GBP4: variants seen among roughly 807,000 people sequenced by gnomAD.
GBP4 encodes guanylate-binding protein 4.
Under a neutral mutation model 62.2 loss-of-function variants are expected in GBP4, and 69 were observed. The ratio of observed to expected loss-of-function variants is 1.11; its 90% confidence interval spans 0.91 to 1.36. The LOEUF is 1.36. Among genes scored for constraint, GBP4 ranks in the 40% most tolerant of loss-of-function variants. GBP4 has a pLI of 0.00. For synonymous variants in GBP4, 278 were observed against 274.6 expected (o/e 1.01, Z -0.12); for missense variants, 697 against 759.3 (o/e 0.92, Z 0.96).
Position 89,191,439 on chromosome 1 carries a change from C to T in GBP4, c.738G>A (p.Arg246=), listed in dbSNP as rs375364072. Residue 246 remains arginine, a synonymous_variant, in exon 6 of 11, where the codon CGG becomes CGA. Transcript: ENST00000355754. ...RECIRHFFRK[R]KCFVFDRPTN... ...TAGGCCGGTCAAAGACAAAGCACTT[C>T]CGTTTTCGGAAGAAATGCCTGATAC... 6.2e-7 allele frequency: 1 copy of T among 1,614,180 alleles called. No homozygotes were observed.
rs1557474824 is a variant in GBP4, at chr1:89,191,289, CAG to C, written c.886_887del (p.Leu296GlufsTer41). 1.9e-6 allele frequency: 3 copies of C among 1,613,712 alleles called. No individual in the cohort carries two copies. The South Asian group carries it at 3.3e-5, about 18-fold the overall frequency. On this transcript the variant is annotated frameshift_variant, in exon 6 of 11. Coordinates refer to ENST00000355754, the MANE Select transcript of GBP4 (RefSeq NM_052941.5). LOFTEE classifies it high-confidence loss of function. ...YIFTHAKTKTLREGIIVTGKR... is the reference protein window; with the variant it reads ...YIFTHAKTKTXREGIIVTGKR... ...TTCCAGTGACAATGATTCCCTCTCT[CAG>C]GGTCTTGGTCTTTGCATGGGTGAAG... is the stretch of plus-strand genomic sequence containing the variant.
rs1648228558 is a variant in GBP4 at position 89,192,959 on chromosome 1, A to G, written c.615T>C (p.Asp205=). ...ACTCATCTTCTGTGATGGGGTTTCC[A>G]TCTAACTTTAGCTCCAGGGTAAAAT... is the stretch of plus-strand genomic sequence containing the variant. The part of the protein sequence containing the change: ...VRDFTLELKL[D]GNPITEDEYL... Residue 205 remains aspartate, a synonymous_variant, in exon 5 of 11, where the codon GAT becomes GAC. Transcript: ENST00000355754. 1 of 1,614,168 alleles carries G rather than the reference A, an allele frequency of 6.2e-7. No homozygotes were observed. Among genetic ancestry groups the G allele is most frequent in the Non-Finnish European group, 8.5e-7 (1 of 1,180,034 alleles).
intron 8 of GBP4, among the ~76,000 whole-genome samples, chr1:89,187,705 G>C (rs1268262258): frequency 6.6e-6 from 1 of 152,132 alleles, no homozygotes; most frequent in Non-Finnish European, 1.5e-5. Flanking sequence ...TTCGTCAAAA[G>C]AAGACCTGGC....
intron 2 of GBP4, 131 bp downstream of exon 2, chr1:89,196,979 G>A (rs1464599200): frequency 9.9e-6 from 6 of 607,110 alleles, no homozygotes; most frequent in South Asian, 2.8e-5. Context: ...TGTAAATTTA[G>A]TGGTGAGAAT....
Position 89,191,264 on chromosome 1 carries a change from T to C in GBP4, c.913A>G (p.Lys305Glu), listed in dbSNP as rs375352901. The change falls in exon 6 of 11, where the codon AAG becomes GAG. Residue 305 changes from lysine to glutamate, a missense_variant. Lys to Glu is a moderately conservative substitution (Grantham distance 56, BLOSUM62 1). Around this residue, in one of 2 missense-constraint regions of GBP4, gnomAD observed 556 missense variants for 562.7 expected, o/e 0.99. Transcript: ENST00000355754. Reference protein sequence around the residue: ...TLREGIIVTGKRLGTLVVTYV... With the variant: ...TLREGIIVTGERLGTLVVTYV... ...TTTGGGACAAAAAAAGACTCACGCT[T>C]TCCAGTGACAATGATTCCCTCTCTC... The C allele has an allele frequency of 6.2e-7, 1 of 1,611,244 alleles. No individual in the cohort carries two copies.
In GBP4 at chr1:89,191,470, C is replaced by G. The variant is rs1424594679; in HGVS notation, c.707G>C (p.Arg236Thr). Residue 236 changes from arginine (R) to threonine (T), a missense_variant, in exon 6 of 11, where the codon AGA (arginine) becomes ACA (threonine). Coordinates refer to ENST00000355754, the MANE Select transcript of GBP4 (RefSeq NM_052941.5). ...NPKIQNSNMPRECIRHFFRKR... is the reference protein window; with the variant it reads ...NPKIQNSNMPTECIRHFFRKR... ...TCGGAAGAAATGCCTGATACACTCTCTAGGCATGTTTGAATTTTGAATTTT... is the reference window on the plus strand; with the variant it reads ...TCGGAAGAAATGCCTGATACACTCTGTAGGCATGTTTGAATTTTGAATTTT... 15 of 1,613,538 alleles carry G rather than the reference C, an allele frequency of 9.3e-6. No individual in the cohort carries two copies. Among genetic ancestry groups the G allele is most frequent in the Non-Finnish European group, 1.2e-5 (14 of 1,179,576 alleles).
In GBP4 at chr1:89,198,878, CT is replaced by C; in HGVS notation, c.-45del. On this transcript the variant is annotated 5_prime_UTR_variant, in exon 1 of 11. Coordinates refer to ENST00000355754, the MANE Select transcript of GBP4 (RefSeq NM_052941.5). ...CTGGATCCTCGAGAAACGGACTGTTCTTAGAAGCTGAAAGTCCAGCCGGATT... is the reference window on the plus strand; with the variant it reads ...CTGGATCCTCGAGAAACGGACTGTTCTAGAAGCTGAAAGTCCAGCCGGATT... The C allele has an allele frequency of 1.3e-6, 2 of 1,592,374 alleles. No homozygotes were observed. Among genetic ancestry groups the C allele is most frequent in the Non-Finnish European group, 1.7e-6 (2 of 1,160,172 alleles).
chr1:89,188,680 T>C lies in GBP4; in HGVS notation c.1312A>G (p.Arg438Gly). 1.2e-6 allele frequency: 2 copies of C among 1,614,240 alleles called. No individual in the cohort carries two copies. Among genetic ancestry groups the C allele is most frequent in the African/African-American group, 2.7e-5 (2 of 75,058 alleles). Reference protein sequence around the residue: ...LSEHLTESILRGIFSVPGGHN... With the variant: ...LSEHLTESILGGIFSVPGGHN... The stretch of plus-strand genomic sequence containing the variant: ...CCTCCAGGAACAGAGAAAATTCCTC[T>C]CAAAATGCTTTCTGTCAGGTGCTCT... The change falls in exon 8 of 11, where the codon AGA (arginine) becomes GGA (glycine). Residue 438 changes from arginine (R) to glycine (G), a missense_variant. This residue lies in a region of GBP4 where 556 missense variants were observed against 562.7 expected (regional missense o/e 0.99). Transcript: ENST00000355754.
At position 89,198,941 on chromosome 1, in the gene GBP4, T is replaced by C. The variant is rs1648420202; in HGVS notation, c.-107A>G. The C allele has an allele frequency of 2.0e-6, 2 of 1,003,958 alleles. No individual in the cohort carries two copies. Among genetic ancestry groups the C allele is most frequent in the East Asian group, 2.4e-5 (1 of 41,974 alleles). The allele number at this position is 1,003,958 out of a possible 1,614,324, so 62.2% of individuals were successfully genotyped here. A position where few individuals can be genotyped will look rare whatever the true frequency, so the allele number is the denominator to read the frequency against. ...AAGTAAGAGTCTGTGAGAACCGAAA[T>C]TGAAAGGACATGCACTTTGTGGGGA... On this transcript the variant is annotated 5_prime_UTR_variant, in exon 1 of 11. Transcript: ENST00000355754.
At position 89,198,878 on chromosome 1, in the gene GBP4, C is replaced by A. The variant is rs1179252752; in HGVS notation, c.-44G>T. 3.1e-6 allele frequency: 5 copies of A among 1,592,380 alleles called. No individual in the cohort carries two copies. The highest frequency in any genetic ancestry group is 1.7e-5 in the Admixed American group (1 of 60,012). ...CTGGATCCTCGAGAAACGGACTGTTCTTAGAAGCTGAAAGTCCAGCCGGAT... is the reference window on the plus strand; with the variant it reads ...CTGGATCCTCGAGAAACGGACTGTTATTAGAAGCTGAAAGTCCAGCCGGAT... On this transcript the variant is annotated 5_prime_UTR_variant, in exon 1 of 11. Coordinates refer to ENST00000355754, the MANE Select transcript of GBP4 (RefSeq NM_052941.5).
intron 5 of GBP4, among the ~76,000 whole-genome samples, 200 bp from the exon 6 acceptor site, chr1:89,191,706 GA>G (rs1648193976): frequency 6.6e-6 from 1 of 152,218 alleles, no homozygotes; most frequent in African/African-American, 2.4e-5. Flanking sequence ...AGTCAGGAAA[GA>G]ACTCTTGGAG....
At position 89,185,050 on chromosome 1, in the gene GBP4, T is replaced by A; in HGVS notation, c.*204A>T. 4.6e-6 allele frequency: 2 copies of A among 434,538 alleles called. No individual in the cohort carries two copies. The highest frequency in any genetic ancestry group is 4.0e-5 in the Admixed American group (1 of 24,860). 26.9% of individuals were successfully genotyped at this position (434,538 alleles called of 1,614,324 possible). A position where few individuals can be genotyped will look rare whatever the true frequency, so the allele number is the denominator to read the frequency against. On this transcript the variant is annotated 3_prime_UTR_variant, in exon 11 of 11. Transcript: ENST00000355754. ...ACTACTTCTGACTTGTTTCCCATGT[T>A]TATAAATTATTAGTTCAATCAAAAT...
chr1:89,196,982 G>A lies in GBP4; in HGVS notation c.235+128C>T, dbSNP rs138559057. The A allele has an allele frequency of 3.4e-4, 214 of 627,764 alleles. No individual in the cohort carries two copies. In the East Asian group the frequency reaches 4.9e-3, roughly 15 times the overall value. 38.9% of individuals were successfully genotyped at this position (627,764 alleles called of 1,614,324 possible). ...TATATTTGAGATTGTAAATTTAGTG[G>A]TGAGAATTAGAAGTTTTCTTCATTG... On this transcript the variant is annotated intron_variant, in intron 2 of 10. Coordinates refer to ENST00000355754, the MANE Select transcript of GBP4 (RefSeq NM_052941.5).
At chr1:89,185,683 C>G (rs1371846366) in intron 10 of GBP4, among the ~76,000 whole-genome samples, 7 of 152,222 alleles carry the variant, frequency 4.6e-5, no homozygotes. Context: ...TAAGCAACAT[C>G]TCACTGGAGG....
chr1:89,195,435 G>A lies in GBP4; in HGVS notation c.236-11C>T, dbSNP rs755059444. 18 of 1,613,404 alleles carry A rather than the reference G, an allele frequency of 1.1e-5. No homozygotes were observed. Among genetic ancestry groups the A allele is most frequent in the Non-Finnish European group, 1.4e-5 (17 of 1,179,540 alleles). On this transcript the variant is annotated splice_polypyrimidine_tract_variant and intron_variant, in intron 2 of 10. Coordinates refer to ENST00000355754, the MANE Select transcript of GBP4 (RefSeq NM_052941.5). ...AGCCCAGAGGGAAGCCTGCAGGGAA[G>A]AGGAAAAATAACAAACAGTAACAGT... is the stretch of plus-strand genomic sequence containing the variant.
chr1:89,198,483 TA>T (rs2100681439), intron 1 of GBP4, among the ~76,000 whole-genome samples: 1 of 152,138 alleles, frequency 6.6e-6, no homozygotes, highest in African/African-American at 2.4e-5. Flanking sequence ...ATATGTATAC[TA>T]GATGATGGTA....
At chr1:89,187,323 C>T (rs539707194) in intron 8 of GBP4, among the ~76,000 whole-genome samples, 4 of 151,788 alleles carry the variant, frequency 2.6e-5, no homozygotes, top group Admixed American at 6.6e-5. Flanking sequence ...TCCAGCCTCC[C>T]TCCTGCCTGT....
chr1:89,191,425 A>G lies in GBP4; in HGVS notation c.752T>C (p.Phe251Ser). 6.2e-7 allele frequency: 1 copy of G among 1,614,236 alleles called. No homozygotes were observed. The highest frequency in any genetic ancestry group is 8.5e-7 in the Non-Finnish European group (1 of 1,180,036). The change falls in exon 6 of 11, where the codon TTT becomes TCT. Residue 251 changes from phenylalanine (F) to serine (S), a missense_variant. Transcript: ENST00000355754. ...HFFRKRKCFV[F>S]DRPTNDKQYL... ...TTGCTTGTCATTTGTAGGCCGGTCAAAGACAAAGCACTTCCGTTTTCGGAA... is the reference window on the plus strand; with the variant it reads ...TTGCTTGTCATTTGTAGGCCGGTCAGAGACAAAGCACTTCCGTTTTCGGAA...
Position 89,187,133 on chromosome 1 carries a change from C to A in GBP4, c.1411-31G>T, listed in dbSNP as rs371055870. The A allele has an allele frequency of 1.6e-4, 254 of 1,576,286 alleles. 17 individuals are homozygous for A. The highest frequency in any genetic ancestry group is 6.0e-4 in the East Asian group (27 of 44,704). On this transcript the variant is annotated intron_variant, in intron 8 of 10. Coordinates refer to ENST00000355754, the MANE Select transcript of GBP4 (RefSeq NM_052941.5). ...GAACCAAGAAAGAGCAAAGACCTGT[C>A]AGGCAGCAAAGGTCTCATCTTATGA...
Sources: allele counts gnomAD v4.1 joint callset (sites outside exome capture counted in the v4.1 genomes callset), GRCh38; gene constraint gnomAD v4.1.1; regional missense constraint gnomAD v4.1.1; transcripts MANE v1.5; gene names NCBI Gene and HGNC (gene_info 2026-07-23, HGNC 2026-07-21).